The following MICAL3 variants were observed in gnomAD, a reference collection of about 807,000 sequenced individuals.
MICAL3 encodes the protein microtubule associated monooxygenase, calponin and LIM domain containing 3, also known as [F-actin]-monooxygenase MICAL3.
MICAL3 carries 62 observed loss-of-function variants against 207.4 expected under a neutral mutation model. The ratio of observed to expected loss-of-function variants is 0.30; its 90% CI spans 0.24 to 0.37. The LOEUF (loss-of-function observed/expected upper bound fraction) is 0.37, where lower values mean the gene tolerates loss of function less well. Ranked by LOEUF, MICAL3 falls within the 10% of genes least tolerant of loss-of-function variation. The pLI, the probability that MICAL3 is intolerant of heterozygous loss-of-function variation, is 1.00. For synonymous variants in MICAL3, 1,077 were observed against 1,069.3 expected (o/e 1.01, Z -0.14); for missense variants, 2,368 against 2,635.6 (o/e 0.90, Z 2.22).
At chr22:18,022,482 G>A (rs370565201) in intron 1 of MICAL3, among the ~76,000 whole-genome samples, 16 of 151,748 alleles carry the variant, frequency 1.1e-4, no homozygotes, top group African/African-American at 3.1e-4. Context: ...AGGCTGGAGT[G>A]CAGTGGTGTG....
intron 1 of MICAL3, among the ~76,000 whole-genome samples, chr22:17,952,800 G>A (rs770325227): frequency 1.3e-5 from 2 of 152,200 alleles, no homozygotes; most frequent in South Asian, 2.1e-4. Flanking sequence ...AAAGAACACT[G>A]GGACTTGGAG....
rs59740388 is a variant in MICAL3 at position 17,953,930 on chromosome 22, C to CAA, written c.-74-47046_-74-47045dup. 4.3e-4 allele frequency among the ~76,000 whole-genome samples: 37 copies of CAA among 86,490 alleles called. 2 individuals are homozygous for CAA. The highest frequency in any genetic ancestry group is 6.5e-4 in the African/African-American group (16 of 24,512). 56.7% of individuals were successfully genotyped at this position (86,490 alleles called of 152,430 possible). On this transcript the variant is annotated intron_variant, in intron 1 of 31. Transcript: ENST00000441493. ...CAGGTGACAGAGTAAGACTCCATCT[C>CAA]AAAAAAAAAAAAAAAAAAAAAAAAA...
At chr22:17,949,828 A>G (rs1265407197) in intron 1 of MICAL3, among the ~76,000 whole-genome samples, 1 of 152,186 alleles carries the variant, frequency 6.6e-6, no homozygotes, top group East Asian at 1.9e-4. Flanking sequence ...AGGGGCAGAT[A>G]CTCCCTGTGT....
intron 1 of MICAL3, among the ~76,000 whole-genome samples, chr22:17,950,589 G>A (rs971432091): frequency 2.0e-5 from 3 of 151,974 alleles, no homozygotes; most frequent in South Asian, 4.1e-4. Context: ...CTCCCGCCTC[G>A]ACCTCCCAAA....
chr22:17,863,430 T>C (rs908715087), intron 19 of MICAL3: 4 of 985,458 alleles, frequency 4.1e-6, no homozygotes, highest in Non-Finnish European at 4.8e-6. Flanking sequence ...CCTTTGGTTA[T>C]TTTTCTCTAC....
intron 1 of MICAL3, among the ~76,000 whole-genome samples, chr22:17,928,432 C>T (rs1933036422): frequency 7.0e-6 from 1 of 141,970 alleles, no homozygotes; most frequent in Admixed American, 6.9e-5. Context: ...CAGCAAGACT[C>T]CGTCTCAAAA....
At chr22:17,797,255 A>C (rs575679424) in intron 29 of MICAL3, among the ~76,000 whole-genome samples, 1 of 152,284 alleles carries the variant, frequency 6.6e-6, no homozygotes, top group Non-Finnish European at 1.5e-5. Context: ...TGATCCCAGC[A>C]CTTTGGGAGG....
At chr22:17,999,725 C>A (rs186236808) in intron 1 of MICAL3, among the ~76,000 whole-genome samples, 1 of 152,162 alleles carries the variant, frequency 6.6e-6, no homozygotes, top group South Asian at 2.1e-4. Flanking sequence ...GCGCTGTAAA[C>A]ACAAATAAAC....
intron 1 of MICAL3, among the ~76,000 whole-genome samples, chr22:17,950,485 GCCCACCACCACA>G (rs1162798054): frequency 1.3e-5 from 2 of 151,784 alleles, no homozygotes; most frequent in East Asian, 3.9e-4. Flanking sequence ...GACTACAGGT[GCCCACCACCACA>G]CCCAGCTAAT....
chr22:17,919,355 C>T (rs765094624), intron 1 of MICAL3, among the ~76,000 whole-genome samples: 5 of 152,220 alleles, frequency 3.3e-5, no homozygotes, highest in Admixed American at 6.5e-5. Context: ...CACACTCAGC[C>T]TCTAAATGTT....
intron 1 of MICAL3, among the ~76,000 whole-genome samples, chr22:17,998,757 G>A (rs956152934): frequency 3.3e-5 from 5 of 151,896 alleles, no homozygotes; most frequent in Non-Finnish European, 7.4e-5. Context: ...GTTTCACCAC[G>A]TTGGCCAGGC....
intron 29 of MICAL3, among the ~76,000 whole-genome samples, chr22:17,807,471 A>C (rs1001943766): frequency 1.2e-4 from 19 of 152,186 alleles, no homozygotes; most frequent in African/African-American, 4.3e-4. Flanking sequence ...AAGTGCTTCA[A>C]GTTTTTGCAT....
intron 12 of MICAL3, among the ~76,000 whole-genome samples, chr22:17,890,152 T>C (rs1425034261): frequency 1.3e-5 from 2 of 152,190 alleles, no homozygotes; most frequent in African/African-American, 4.8e-5. Flanking sequence ...TTTACATGAC[T>C]TCAGGTTAAC....
chr22:17,958,066 C>T (rs930872068), intron 1 of MICAL3, among the ~76,000 whole-genome samples: 2 of 152,182 alleles, frequency 1.3e-5, no homozygotes, highest in African/African-American at 4.8e-5. Context: ...TGGCATAACA[C>T]GATCTCTTTA....
chr22:17,925,013 C>A (rs938713376), intron 1 of MICAL3, among the ~76,000 whole-genome samples: 1 of 152,140 alleles, frequency 6.6e-6, no homozygotes, highest in African/African-American at 2.4e-5. Flanking sequence ...CAAATAGCAA[C>A]GGGGGGAAAG....
rs768887848 is a variant in MICAL3, at chr22:17,827,750, G to A, written c.3087C>T (p.His1029=). The change falls in exon 22 of 32, where the codon CAC becomes CAT. Residue 1029 remains histidine (H), a synonymous_variant. Coordinates refer to ENST00000441493, the MANE Select transcript of MICAL3 (RefSeq NM_015241.3). ...AGNQRLQQVM[H]AADPLEIQAD... is the part of the protein sequence containing the mutation. ...CCTGGATCTCCAGAGGATCCGCCGC[G>A]TGCATGACCTGCTGGAGCCTCTGGT... 4.8e-5 allele frequency: 75 copies of A among 1,557,098 alleles called. No homozygotes were observed. The Admixed American group carries it at 1.1e-3, about 22-fold the overall frequency.
intron 1 of MICAL3, among the ~76,000 whole-genome samples, chr22:18,021,651 G>A (rs1471714266): frequency 3.3e-5 from 5 of 152,216 alleles, no homozygotes; most frequent in Admixed American, 2.0e-4. Context: ...ATGGGAGAGG[G>A]AGGGAGTGTG....
intron 1 of MICAL3, among the ~76,000 whole-genome samples, chr22:17,982,532 G>A (rs1207510991): frequency 6.6e-6 from 1 of 151,986 alleles, no homozygotes; most frequent in Non-Finnish European, 1.5e-5. Flanking sequence ...TTAGGCAGGC[G>A]CAGTGTCAGG....
chr22:17,946,946 T>G (rs1354733548), intron 1 of MICAL3, among the ~76,000 whole-genome samples: 3 of 152,118 alleles, frequency 2.0e-5, no homozygotes, highest in Non-Finnish European at 4.4e-5. Flanking sequence ...GGAAGATGGG[T>G]GGGGAGGGCC....
Sources: allele counts gnomAD v4.1 joint callset (sites outside exome capture counted in the v4.1 genomes callset), GRCh38; gene constraint gnomAD v4.1.1; transcripts MANE v1.5; gene names NCBI Gene and HGNC (gene_info 2026-07-23, HGNC 2026-07-21).